Variants in DLG2 observed in about 807,000 individuals in gnomAD.
DLG2 encodes disks large homolog 2.
A neutral mutation model predicts 132.5 loss-of-function variants in DLG2; 45 were observed. The observed-to-expected ratio is 0.34, with a 90% CI of 0.27 to 0.44. DLG2 has a LOEUF of 0.44. Among genes scored for constraint, DLG2 ranks in the 20% least tolerant of loss-of-function variants. DLG2 has a pLI of 1.00. For missense variants in DLG2, 1,045 were observed against 1,196.9 expected (o/e 0.87, Z 1.87); for synonymous variants, 424 against 419.6 (o/e 1.01, Z -0.13).
At chr11:84,920,576 A>T (rs891728164) in intron 6 of DLG2, among the ~76,000 whole-genome samples, 1 of 152,216 alleles carries the variant, frequency 6.6e-6, no homozygotes, top group Non-Finnish European at 1.5e-5. Context: ...GAAGCTTCTT[A>T]AAAGCAAGCA....
intron 8 of DLG2, among the ~76,000 whole-genome samples, chr11:84,237,599 G>T (rs888461221): frequency 6.6e-6 from 1 of 152,172 alleles, no homozygotes; most frequent in African/African-American, 2.4e-5. Context: ...CATTAATGCT[G>T]TTCATGAAGA....
chr11:83,932,953 T>C (rs1280520262), intron 14 of DLG2, among the ~76,000 whole-genome samples: 3 of 152,172 alleles, frequency 2.0e-5, no homozygotes, highest in Non-Finnish European at 4.4e-5. Flanking sequence ...GCCACTGAAA[T>C]GCCTGCCCAT....
rs188351051 is a variant in DLG2 at position 84,019,782 on chromosome 11, G to A, written c.920-39140C>T. Reference sequence around the variant, plus strand: ...AAGCCACGGAATGCCAAAGATTTCCGGCAAACTACTGGAAGCTGGGAGAGA... The same window carrying A: ...AAGCCACGGAATGCCAAAGATTTCCAGCAAACTACTGGAAGCTGGGAGAGA... On this transcript the variant is annotated intron_variant, in intron 11 of 27. Coordinates refer to ENST00000376104, the MANE Select transcript of DLG2 (RefSeq NM_001142699.3). Among the ~76,000 whole-genome samples the A allele has an allele frequency of 9.2e-5, 14 of 152,218 alleles. No homozygotes were observed. In the East Asian group the frequency reaches 2.7e-3, roughly 29 times the overall value.
intron 6 of DLG2, among the ~76,000 whole-genome samples, chr11:84,796,280 GGATCA>G (rs2074593976): frequency 6.6e-6 from 1 of 152,058 alleles, no homozygotes; most frequent in African/African-American, 2.4e-5. Flanking sequence ...AATAAAAAAT[GGATCA>G]TTTTAACTTT....
At chr11:85,485,514 C>T (rs1407811756) in intron 3 of DLG2, among the ~76,000 whole-genome samples, 1 of 152,108 alleles carries the variant, frequency 6.6e-6, no homozygotes, top group Non-Finnish European at 1.5e-5. Flanking sequence ...TTGAATAGAT[C>T]ATCTAAGAGA....
chr11:83,945,934 G>GTCCTTCCTTTCTTCCT (rs2083769596), intron 14 of DLG2, among the ~76,000 whole-genome samples: 2 of 136,026 alleles, frequency 1.5e-5, no homozygotes, highest in Non-Finnish European at 3.1e-5. Context: ...CCTTCCTTCC[G>GTCCTTCCTTTCTTCCT]TCCTTCCTTC....
At chr11:84,924,577 G>C (rs774704109) in intron 6 of DLG2, among the ~76,000 whole-genome samples, 1 of 152,226 alleles carries the variant, frequency 6.6e-6, no homozygotes, top group Non-Finnish European at 1.5e-5. Context: ...TTCAGGGAGA[G>C]AAATTAAAGG....
chr11:84,999,471 T>C (rs958300428), intron 6 of DLG2, among the ~76,000 whole-genome samples: 10 of 152,168 alleles, frequency 6.6e-5, no homozygotes, highest in Admixed American at 3.3e-4. Context: ...AATCATCACT[T>C]GACGTATGAT....
chr11:83,499,840 C>T (rs1313136320), intron 21 of DLG2, among the ~76,000 whole-genome samples: 1 of 111,926 alleles, frequency 8.9e-6, no homozygotes, highest in Non-Finnish European at 1.8e-5. Context: ...TATATTTCCT[C>T]CACTAATAGG....
At position 84,035,785 on chromosome 11, in the gene DLG2, T is replaced by G. The variant is rs1177367762; in HGVS notation, c.919+23530A>C. Reference sequence around the variant, plus strand: ...GGGACCAGTTTGAGTACTACTGCAGTAGTCTGAGCAAGAAACGATATGGTT... The same window carrying G: ...GGGACCAGTTTGAGTACTACTGCAGGAGTCTGAGCAAGAAACGATATGGTT... On this transcript the variant is annotated intron_variant, in intron 11 of 27. Transcript: ENST00000376104. Among the ~76,000 whole-genome samples the G allele has an allele frequency of 2.6e-5, 4 of 152,240 alleles. No individual in the cohort carries two copies. The East Asian group carries it at 7.7e-4, about 29-fold the overall frequency.
intron 10 of DLG2, among the ~76,000 whole-genome samples, chr11:84,064,837 GC>G (rs2096646821): frequency 6.6e-6 from 1 of 152,020 alleles, no homozygotes; most frequent in Non-Finnish European, 1.5e-5. Flanking sequence ...TAAAAATAGA[GC>G]TTTTACAGCA....
chr11:83,813,721 A>T (rs998479025), intron 17 of DLG2, among the ~76,000 whole-genome samples: 5 of 152,104 alleles, frequency 3.3e-5, no homozygotes, highest in African/African-American at 1.2e-4. Context: ...AAATAAGTCT[A>T]CCTTCATTTC....
chr11:84,833,895 G>C (rs1192343551), intron 6 of DLG2, among the ~76,000 whole-genome samples: 1 of 151,618 alleles, frequency 6.6e-6, no homozygotes, highest in Non-Finnish European at 1.5e-5. Context: ...AACTTGCATA[G>C]AGTTATGTAC....
At chr11:84,682,188 A>G (rs933800318) in intron 6 of DLG2, among the ~76,000 whole-genome samples, 1 of 152,182 alleles carries the variant, frequency 6.6e-6, no homozygotes, top group Non-Finnish European at 1.5e-5. Context: ...ACTGGTAATC[A>G]AATTTCAACA....
intron 4 of DLG2, among the ~76,000 whole-genome samples, chr11:85,223,869 C>A (rs1053496079): frequency 1.3e-5 from 2 of 152,030 alleles, no homozygotes; most frequent in East Asian, 3.9e-4. Flanking sequence ...TGTGTGCTTA[C>A]AATACCAACT....
chr11:85,485,017 C>A (rs563129896), intron 3 of DLG2, among the ~76,000 whole-genome samples: 29 of 152,318 alleles, frequency 1.9e-4, no homozygotes, highest in South Asian at 1.5e-3. Flanking sequence ...GAATACTATG[C>A]AGCCATAAAA....
At chr11:84,616,213 T>C (rs2099604205) in intron 6 of DLG2, among the ~76,000 whole-genome samples, 1 of 152,024 alleles carries the variant, frequency 6.6e-6, no homozygotes, top group African/African-American at 2.4e-5. Flanking sequence ...AGAGCTTGTG[T>C]TTCAGTTTTC....
At chr11:85,451,222 G>A (rs1049359960) in intron 3 of DLG2, among the ~76,000 whole-genome samples, 2 of 151,986 alleles carry the variant, frequency 1.3e-5, no homozygotes, top group African/African-American at 4.8e-5. Flanking sequence ...CAACTTCTCT[G>A]CCACTAACTC....
rs542534702 is a variant in DLG2 at position 85,146,474 on chromosome 11, C to T, written c.282+8082G>A. Among the ~76,000 whole-genome samples, 182 of 152,224 alleles carry T rather than the reference C, an allele frequency of 1.2e-3. 3 individuals are homozygous for T. The highest frequency in any genetic ancestry group is 0.011 in the Admixed American group (170 of 15,292). ...CATATTTAGCCATGAAGGGGTCCCTCCTGTCAGGGGAGCAGGTTCCCTTCT... is the reference window on the plus strand; with the variant it reads ...CATATTTAGCCATGAAGGGGTCCCTTCTGTCAGGGGAGCAGGTTCCCTTCT... On this transcript the variant is annotated intron_variant, in intron 5 of 27. Transcript: ENST00000376104.
Sources: allele counts gnomAD v4.1 joint callset (sites outside exome capture counted in the v4.1 genomes callset), GRCh38; gene constraint gnomAD v4.1.1; transcripts MANE v1.5; gene names NCBI Gene and HGNC (gene_info 2026-07-23, HGNC 2026-07-21).